EMILIN2: variants seen among roughly 807,000 people sequenced by gnomAD.
EMILIN2 encodes elastin microfibril interfacer 2.
Under a neutral mutation model 87.1 loss-of-function variants are expected in EMILIN2, and 71 were observed. The ratio of observed to expected loss-of-function variants is 0.82; its 90% CI spans 0.67 to 0.99. The LOEUF is 0.99. Among genes scored for constraint, EMILIN2 ranks in the 50% least tolerant of loss-of-function variants. The probability of loss-of-function intolerance (pLI) is 0.00; values close to 1 mark genes in which losing one functional copy is unlikely to be tolerated. For synonymous variants in EMILIN2, 581 were observed against 563.4 expected (o/e 1.03, Z -0.44); for missense variants, 1,407 against 1,371.8 (o/e 1.03, Z -0.40).
Position 2,899,327 on chromosome 18 carries a change from G to A in EMILIN2, c.2359+6841G>A, listed in dbSNP as rs576215363. Among the ~76,000 whole-genome samples the A allele has an allele frequency of 8.5e-5, 13 of 152,224 alleles. No homozygotes were observed. The South Asian group carries it at 1.9e-3, about 22-fold the overall frequency. ...AGAATGAACCACTGACTGACACTGC[G>A]CCACCAATAGAAGTCAGCTTTGTGT... On this transcript the variant is annotated intron_variant, in intron 4 of 7. Coordinates refer to ENST00000254528, the MANE Select transcript of EMILIN2 (RefSeq NM_032048.3).
intron 4 of EMILIN2, among the ~76,000 whole-genome samples, chr18:2,896,151 T>C (rs951850037): frequency 6.6e-6 from 1 of 152,028 alleles, no homozygotes; most frequent in African/African-American, 2.4e-5. Context: ...TATGTATATA[T>C]TGCATATATA....
At chr18:2,873,266 C>A (rs1598491360) in intron 2 of EMILIN2, among the ~76,000 whole-genome samples, 1 of 151,828 alleles carries the variant, frequency 6.6e-6, no homozygotes, top group East Asian at 1.9e-4. Flanking sequence ...CAAAATTACC[C>A]AGACATGGTG....
At chr18:2,867,479 T>G (rs966970466) in intron 2 of EMILIN2, among the ~76,000 whole-genome samples, 1 of 152,130 alleles carries the variant, frequency 6.6e-6, no homozygotes, top group Non-Finnish European at 1.5e-5. Flanking sequence ...CTGGCTTTCC[T>G]AGGCAGAGGA....
At chr18:2,887,744 C>T (rs1406040643) in intron 3 of EMILIN2, among the ~76,000 whole-genome samples, 2 of 152,080 alleles carry the variant, frequency 1.3e-5, no homozygotes, top group Non-Finnish European at 2.9e-5. Context: ...TCCTTTATTT[C>T]AATACAGAAT....
chr18:2,852,329 A>T (rs1356217051), intron 2 of EMILIN2, among the ~76,000 whole-genome samples: 1 of 152,182 alleles, frequency 6.6e-6, no homozygotes, highest in East Asian at 1.9e-4. Context: ...GGCGAGAGTT[A>T]TCGGACATAC....
At position 2,885,107 on chromosome 18, in the gene EMILIN2, C is replaced by T; in HGVS notation, c.401C>T (p.Ala134Val). The T allele has an allele frequency of 6.2e-7, 1 of 1,610,680 alleles. No homozygotes were observed. The highest frequency in any genetic ancestry group is 8.5e-7 in the Non-Finnish European group (1 of 1,178,826). ...DPVKTLRPTP[A>V]RPRNSLKKAT... ...GTGAAGACCCTCCGCCCCACGCCGG[C>T]TCGGCCTCGAAACAGCTTGAAGAAA... Residue 134 changes from alanine (A) to valine (V), a missense_variant, in exon 3 of 8, where the codon GCT becomes GTT. By Grantham distance (64) the Ala-to-Val change is moderately conservative. Transcript: ENST00000254528.
At position 2,891,671 on chromosome 18, in the gene EMILIN2, A is replaced by T; in HGVS notation, c.1544A>T (p.Glu515Val). 1 of 1,614,124 alleles carries T rather than the reference A, an allele frequency of 6.2e-7. No homozygotes were observed. The change falls in exon 4 of 8, where the codon GAG becomes GTG. Residue 515 changes from glutamate to valine, a missense_variant. Transcript: ENST00000254528. The surrounding 1 kb of genome is among the most constrained non-coding windows in gnomAD (Gnocchi z 4.6). ...LLQMTNNTGA[E>V]LSPPGAAALP... ...CAGATGACCAATAACACTGGTGCAGAGCTCAGTCCCCCAGGGGCAGCAGCC... is the reference window on the plus strand; with the variant it reads ...CAGATGACCAATAACACTGGTGCAGTGCTCAGTCCCCCAGGGGCAGCAGCC...
chr18:2,869,672 A>C (rs564250639), intron 2 of EMILIN2, among the ~76,000 whole-genome samples: 2 of 151,446 alleles, frequency 1.3e-5, no homozygotes, highest in South Asian at 2.1e-4. Flanking sequence ...GGCTTAAGTG[A>C]TCCTCCCACC....
rs1450372512 is a variant in EMILIN2 at position 2,914,017 on chromosome 18, T to G, written c.*613T>G. The G allele has an allele frequency of 6.5e-6, 1 of 152,814 alleles. No individual in the cohort carries two copies. The highest frequency in any genetic ancestry group is 2.4e-5 in the African/African-American group (1 of 41,464). The allele number at this position is 152,814 out of a possible 1,614,324, so 9.5% of individuals were successfully genotyped here. A position where few individuals can be genotyped will look rare whatever the true frequency, so the allele number is the denominator to read the frequency against. On this transcript the variant is annotated 3_prime_UTR_variant, in exon 8 of 8. Transcript: ENST00000254528. ...AGCTTGTTGGGCTCCTTAAATGGCA[T>G]GTACAATTTAAGTGCAAAGACAGGG...
rs1197708396 is a variant in EMILIN2 at position 2,910,565 on chromosome 18, G to T, written c.2824+746G>T. Among the ~76,000 whole-genome samples, 4 of 152,118 alleles carry T rather than the reference G, an allele frequency of 2.6e-5. No homozygotes were observed. In the South Asian group the frequency reaches 8.3e-4, roughly 32 times the overall value. On this transcript the variant is annotated intron_variant, in intron 7 of 7. Transcript: ENST00000254528. ...AGGTGTGGGGAGGTCCCCACAGCCC[G>T]GGGTCTTTCCTGACGTCTCTCTCTG...
chr18:2,909,619 C>T, intron 6 of EMILIN2, 72 bp from the exon 7 acceptor site: 7 of 1,572,256 alleles, frequency 4.5e-6, no homozygotes, highest in Non-Finnish European at 6.0e-6. Flanking sequence ...ACGTAGGCCT[C>T]AGTTTTCCAG....
chr18:2,860,568 C>A (rs2076655862), intron 2 of EMILIN2, among the ~76,000 whole-genome samples: 1 of 152,178 alleles, frequency 6.6e-6, no homozygotes, highest in Non-Finnish European at 1.5e-5. Flanking sequence ...GACATGAACT[C>A]ATCCTTTTTT....
Position 2,891,925 on chromosome 18 carries a change from A to G in EMILIN2, c.1798A>G (p.Thr600Ala). The change falls in exon 4 of 8, where the codon ACC (threonine) becomes GCC (alanine). Residue 600 changes from threonine to alanine, a missense_variant. Coordinates refer to ENST00000254528, the MANE Select transcript of EMILIN2 (RefSeq NM_032048.3). The surrounding 1 kb of genome is among the most constrained non-coding windows in gnomAD (Gnocchi z 4.6). ...MHRKFQETEQ[T>A]IQKLQQDFSF... ...CAGGAAGTTTCAAGAAACCGAACAA[A>G]CCATCCAGAAACTTCAACAGGATTT... is the stretch of plus-strand genomic sequence containing the variant. 1 of 1,614,188 alleles carries G rather than the reference A, an allele frequency of 6.2e-7. No homozygotes were observed. The highest frequency in any genetic ancestry group is 8.5e-7 in the Non-Finnish European group (1 of 1,180,030).
rs1237327162 is a variant in EMILIN2, at chr18:2,847,947, G to A, written c.257+16G>A. On this transcript the variant is annotated intron_variant, in intron 2 of 7. Transcript: ENST00000254528. This position sits in a 1 kb window ranked among gnomAD's most constrained non-coding sequence, Gnocchi z 4.5. ...CGGCGCTGGTGTAAGTCCTGGAGCC[G>A]GGGAGCGGGCGGGGCGCGCCCGGGC... 8 of 1,602,336 alleles carry A rather than the reference G, an allele frequency of 5.0e-6. No homozygotes were observed. The highest frequency in any genetic ancestry group is 2.2e-5 in the East Asian group (1 of 44,542).
chr18:2,906,841 C>A lies in EMILIN2; in HGVS notation c.2418C>A (p.Pro806=), dbSNP rs1335109539. The A allele has an allele frequency of 7.4e-7, 1 of 1,343,032 alleles. No individual in the cohort carries two copies. The highest frequency in any genetic ancestry group is 9.5e-7 in the Non-Finnish European group (1 of 1,049,012). 83.2% of individuals were successfully genotyped at this position (1,343,032 alleles called of 1,614,324 possible). The stretch of plus-strand genomic sequence containing the variant: ...CGAAGGAGCCGCTGCAGCCCGAGCC[C>A]GCCCCGCCGAGGCCCAGCGGCCCCG... ...EAPKEPLQPE[P]APPRPSGPAT... is the part of the protein sequence containing the mutation. Residue 806 remains proline (P), a synonymous_variant, in exon 5 of 8, where the codon CCC becomes CCA. Coordinates refer to ENST00000254528, the MANE Select transcript of EMILIN2 (RefSeq NM_032048.3).
chr18:2,864,732 T>G (rs1382985444), intron 2 of EMILIN2, among the ~76,000 whole-genome samples: 7 of 152,134 alleles, frequency 4.6e-5, no homozygotes, highest in Non-Finnish European at 5.9e-5. Flanking sequence ...TTTGTGGCAT[T>G]CTCTGTATTT....
chr18:2,889,097 C>G (rs1230890834), intron 3 of EMILIN2, among the ~76,000 whole-genome samples: 1 of 134,490 alleles, frequency 7.4e-6, no homozygotes, highest in Non-Finnish European at 1.6e-5. Flanking sequence ...TTCTTTCTTT[C>G]TTTTTCTTTT....
intron 2 of EMILIN2, among the ~76,000 whole-genome samples, chr18:2,854,843 A>G (rs1410196122): frequency 6.6e-6 from 1 of 152,242 alleles, no homozygotes; most frequent in African/African-American, 2.4e-5. Context: ...ATCGGGGGAA[A>G]GAAAATGAGG....
chr18:2,873,524 G>A lies in EMILIN2; in HGVS notation c.258-11440G>A, dbSNP rs563892654. ...AGATCGAGACCATCCTGGCTAACAC[G>A]GTGAAACCCCATCTCTACTAAAAAT... On this transcript the variant is annotated intron_variant, in intron 2 of 7. Transcript: ENST00000254528. Among the ~76,000 whole-genome samples the A allele has an allele frequency of 1.4e-4, 21 of 151,978 alleles. No homozygotes were observed. In the South Asian group the frequency reaches 2.9e-3, roughly 21 times the overall value.
Sources: gnomAD v4.1 joint callset for allele counts (sites outside exome capture counted in the v4.1 genomes callset) on GRCh38, gnomAD v4.1.1 for gene constraint, Gnocchi (gnomAD v3.1) non-coding constraint, MANE v1.5 for transcripts, NCBI Gene and HGNC (gene_info 2026-07-23, HGNC 2026-07-21) for gene names.